RFWD3: variants seen among roughly 807,000 people sequenced by gnomAD.
RFWD3 encodes the protein ring finger and WD repeat domain 3, also known as E3 ubiquitin-protein ligase RFWD3.
Under a neutral mutation model 87.7 loss-of-function variants are expected in RFWD3, and 65 were observed. The ratio of observed to expected loss-of-function variants is 0.74; its 90% CI spans 0.61 to 0.91. The LOEUF (loss-of-function observed/expected upper bound fraction) is 0.91, where lower values mean the gene tolerates loss of function less well. RFWD3 is among the 40% of genes least tolerant of loss of function. The probability of loss-of-function intolerance (pLI) is 0.00; values close to 1 mark genes in which losing one functional copy is unlikely to be tolerated. For missense variants in RFWD3, 1,078 were observed against 938.5 expected, an observed-to-expected ratio of 1.15 and a Z score of -1.94; for synonymous variants, 433 against 352.8, an observed-to-expected ratio of 1.23 and a Z score of -2.55.
intron 11 of RFWD3, among the ~76,000 whole-genome samples, chr16:74,628,112 C>T (rs1456656977): frequency 6.6e-6 from 1 of 152,186 alleles, no homozygotes; most frequent in Non-Finnish European, 1.5e-5. Flanking sequence ...AAGTAAGAGG[C>T]AGGCAGAAGA....
Position 74,623,824 on chromosome 16 carries a change from A to G in RFWD3, c.*104T>C, listed in dbSNP as rs987227699. 3.2e-6 allele frequency: 4 copies of G among 1,249,620 alleles called. No individual in the cohort carries two copies. The highest frequency in any genetic ancestry group is 4.5e-6 in the Non-Finnish European group (4 of 880,356). The allele number at this position is 1,249,620 out of a possible 1,614,324, so 77.4% of individuals were successfully genotyped here. Reference sequence around the variant, plus strand: ...TAATGCAAACAAACCATGATTCCCAATGTTCTAGACTGCAGACAATAAACA... The same window carrying G: ...TAATGCAAACAAACCATGATTCCCAGTGTTCTAGACTGCAGACAATAAACA... On this transcript the variant is annotated 3_prime_UTR_variant, in exon 13 of 13. Coordinates refer to ENST00000361070, the MANE Select transcript of RFWD3 (RefSeq NM_018124.4).
chr16:74,628,620 C>G lies in RFWD3; in HGVS notation c.1801G>C (p.Ala601Pro). 3.1e-6 allele frequency: 5 copies of G among 1,614,196 alleles called. No homozygotes were observed. Among genetic ancestry groups the G allele is most frequent in the Non-Finnish European group, 4.2e-6 (5 of 1,180,040 alleles). Reference sequence around the variant, plus strand: ...GCCAGCACCCCACCATATGGAAATGCAGCTGAGGCAGCTCTGGGCATGTAT... The same window carrying G: ...GCCAGCACCCCACCATATGGAAATGGAGCTGAGGCAGCTCTGGGCATGTAT... ...LSYMPRAASA[A>P]FPYGGVLAGT... Residue 601 changes from alanine to proline, a missense_variant, in exon 11 of 13, where the codon GCA becomes CCA. Ala to Pro is a conservative substitution (Grantham distance 27). Coordinates refer to ENST00000361070, the MANE Select transcript of RFWD3 (RefSeq NM_018124.4).
Position 74,644,575 on chromosome 16 carries a change from G to T in RFWD3, c.953C>A (p.Thr318Lys). Residue 318 changes from threonine (T) to lysine (K), a missense_variant, in exon 5 of 13, where the codon ACG becomes AAG. Physicochemically the swap from Thr to Lys is moderately conservative, Grantham distance 78. Transcript: ENST00000361070. ...TTTTCGTACTTGTCCTTTAAGCCAC[G>T]TGGAAATGCACCTATACCCAAAGAG... ...GHLFGYRCISTWLKGQVRKCP... is the reference protein window; with the variant it reads ...GHLFGYRCISKWLKGQVRKCP... 1 of 1,614,172 alleles carries T rather than the reference G, an allele frequency of 6.2e-7. No individual in the cohort carries two copies. The highest frequency in any genetic ancestry group is 8.5e-7 in the Non-Finnish European group (1 of 1,180,040).
Position 74,621,941 on chromosome 16 carries a change from C to T in RFWD3, c.*1987G>A, listed in dbSNP as rs1289523418. The T allele has an allele frequency of 1.3e-5, 2 of 152,154 alleles. No individual in the cohort carries two copies. Among genetic ancestry groups the T allele is most frequent in the East Asian group, 3.9e-4 (2 of 5,190 alleles). The allele number at this position is 152,154 out of a possible 1,614,324, so 9.4% of individuals were successfully genotyped here. ...AGGCTTTTTTTCTTTGGAGAAATCA[C>T]TCACGATCGTATGAATTTGCTTCCA... On this transcript the variant is annotated 3_prime_UTR_variant, in exon 13 of 13. Transcript: ENST00000361070.
Position 74,636,524 on chromosome 16 carries a change from G to GC in RFWD3, c.1247dup (p.Ser417LeufsTer41). Reference sequence around the variant, plus strand: ...AGCAGCTCAGGACCCATGCTTGGGAGCCCCTGGGTTGCTGTAAATTCTGAC... The same window carrying GC: ...AGCAGCTCAGGACCCATGCTTGGGAGCCCCCTGGGTTGCTGTAAATTCTGAC... On this transcript the variant is annotated frameshift_variant, in exon 8 of 13. Coordinates refer to ENST00000361070, the MANE Select transcript of RFWD3 (RefSeq NM_018124.4). LOFTEE classifies it high-confidence loss of function. 1 of 1,614,016 alleles carries GC rather than the reference G, an allele frequency of 6.2e-7. No individual in the cohort carries two copies. Among genetic ancestry groups the GC allele is most frequent in the Non-Finnish European group, 8.5e-7 (1 of 1,180,030 alleles).
Position 74,624,076 on chromosome 16 carries a change from A to C in RFWD3, c.2182-5T>G. The C allele has an allele frequency of 6.2e-7, 1 of 1,613,684 alleles. No homozygotes were observed. The highest frequency in any genetic ancestry group is 2.2e-5 in the East Asian group (1 of 44,866). On this transcript the variant is annotated splice_region_variant and splice_polypyrimidine_tract_variant and intron_variant, in intron 12 of 12. Coordinates refer to ENST00000361070, the MANE Select transcript of RFWD3 (RefSeq NM_018124.4). ...GCCACTGGCAGCATCCCACAGCTAA[A>C]GAACACAAGCAGAGGGAAGGGTCAG... is the stretch of plus-strand genomic sequence containing the variant.
In RFWD3 at chr16:74,628,716, C is replaced by T. The variant is rs749951263; in HGVS notation, c.1755-50G>A. On this transcript the variant is annotated intron_variant, in intron 10 of 12. Transcript: ENST00000361070. ...ATCTCACACTCCAAAACTCGGACGG[C>T]TCCAGACCCCACTACCAGACCTCAA... 3.9e-6 allele frequency: 6 copies of T among 1,548,906 alleles called. No individual in the cohort carries two copies. The South Asian group carries it at 6.7e-5, about 17-fold the overall frequency.
At chr16:74,631,871 C>T (rs538713604) in intron 9 of RFWD3, among the ~76,000 whole-genome samples, 6 of 152,232 alleles carry the variant, frequency 3.9e-5, no homozygotes, top group African/African-American at 9.6e-5. Context: ...TTGCCTGCCT[C>T]GGCCTCACAA....
intron 12 of RFWD3, among the ~76,000 whole-genome samples, chr16:74,625,869 T>C (rs932552925): frequency 3.3e-5 from 5 of 152,152 alleles, no homozygotes; most frequent in Admixed American, 2.0e-4. Flanking sequence ...AGTGCTACTC[T>C]AGGCCTTAAT....
intron 8 of RFWD3, among the ~76,000 whole-genome samples, chr16:74,634,101 C>T (rs1959173766): frequency 1.3e-5 from 2 of 152,026 alleles, no homozygotes; most frequent in South Asian, 4.1e-4. Flanking sequence ...TCTGTCAATT[C>T]TACTTCAATA....
Position 74,622,906 on chromosome 16 carries a change from C to A in RFWD3, c.*1022G>T, listed in dbSNP as rs1030217484. ...TATAAAGAACACTTAAGAACAGCCCCTCAGTCTGAGGAATTGGCTTTATTT... is the reference window on the plus strand; with the variant it reads ...TATAAAGAACACTTAAGAACAGCCCATCAGTCTGAGGAATTGGCTTTATTT... On this transcript the variant is annotated 3_prime_UTR_variant, in exon 13 of 13. Coordinates refer to ENST00000361070, the MANE Select transcript of RFWD3 (RefSeq NM_018124.4). 2 of 152,188 alleles carry A rather than the reference C, an allele frequency of 1.3e-5. No individual in the cohort carries two copies. Among genetic ancestry groups the A allele is most frequent in the Admixed American group, 6.6e-5 (1 of 15,264 alleles). The allele number at this position is 152,188 out of a possible 1,614,324, so 9.4% of individuals were successfully genotyped here. A position where few individuals can be genotyped will look rare whatever the true frequency, so the allele number is the denominator to read the frequency against.
At chr16:74,665,527 G>T (rs977560213) in intron 1 of RFWD3, among the ~76,000 whole-genome samples, 1 of 151,676 alleles carries the variant, frequency 6.6e-6, no homozygotes, top group Non-Finnish European at 1.5e-5. Flanking sequence ...GCAGTGAGCC[G>T]AGATCGCACC....
intron 2 of RFWD3, among the ~76,000 whole-genome samples, chr16:74,656,728 GA>G (rs1961017436): frequency 6.6e-6 from 1 of 152,178 alleles, no homozygotes; most frequent in Non-Finnish European, 1.5e-5. Flanking sequence ...AAAGTGCTGG[GA>G]TTATAGGCAT....
chr16:74,640,985 C>CT (rs201546947), intron 6 of RFWD3, among the ~76,000 whole-genome samples: 2,784 of 151,114 alleles, frequency 0.018, 38 homozygotes, highest in Non-Finnish European at 0.028. Flanking sequence ...GAAATCTCTC[C>CT]TTTTTTTTTA....
At chr16:74,634,924 C>A (rs1959181333) in intron 8 of RFWD3, among the ~76,000 whole-genome samples, 1 of 151,978 alleles carries the variant, frequency 6.6e-6, no homozygotes, top group Non-Finnish European at 1.5e-5. Flanking sequence ...GGTGAATCAC[C>A]TGAGGTCAGG....
At chr16:74,643,965 CCA>C (rs1959896560) in intron 6 of RFWD3, 3 of 250,742 alleles carry the variant, frequency 1.2e-5, no homozygotes, top group African/African-American at 6.6e-5. Context: ...GCGTGAGCCA[CCA>C]TGCCCGGCCC....
chr16:74,644,870 T>A lies in RFWD3; in HGVS notation c.793-135A>T, dbSNP rs1960000881. On this transcript the variant is annotated intron_variant, in intron 4 of 12. Transcript: ENST00000361070. ...AGGGCTACAGAACACTTGTAACACC[T>A]ATGAATCACTTGTCATTCTTTCTAG... The A allele has an allele frequency of 4.3e-6, 3 of 699,802 alleles. No homozygotes were observed. In the African/African-American group the frequency reaches 5.4e-5, roughly 13 times the overall value. The allele number at this position is 699,802 out of a possible 1,614,324, so 43.3% of individuals were successfully genotyped here.
In RFWD3 at chr16:74,652,047, T is replaced by G; in HGVS notation, c.594A>C (p.Ser198=). The change falls in exon 3 of 13, where the codon TCA becomes TCC. Residue 198 remains serine (S), a synonymous_variant. Transcript: ENST00000361070. ...QPDLPATTYD[S]ETRNPVSEEL... The stretch of plus-strand genomic sequence containing the variant: ...CTTCAGATACAGGATTCCTAGTCTC[T>G]GAATCATAAGTGGTAGCTGGCAAGT... 6.2e-7 allele frequency: 1 copy of G among 1,614,158 alleles called. No individual in the cohort carries two copies. Among genetic ancestry groups the G allele is most frequent in the Non-Finnish European group, 8.5e-7 (1 of 1,180,034 alleles).
chr16:74,650,883 A>T (rs1960511173), intron 3 of RFWD3, among the ~76,000 whole-genome samples: 1 of 151,956 alleles, frequency 6.6e-6, no homozygotes, highest in Admixed American at 6.6e-5. Context: ...TCTCAAAAAA[A>T]ACAAATGAAA....
Sources: allele counts gnomAD v4.1 joint callset (sites outside exome capture counted in the v4.1 genomes callset), GRCh38; gene constraint gnomAD v4.1.1; transcripts MANE v1.5; gene names NCBI Gene and HGNC (gene_info 2026-07-23, HGNC 2026-07-21).